ITGB5: variants seen among roughly 807,000 people sequenced by gnomAD.
ITGB5 encodes the protein integrin subunit beta 5, also known as integrin beta-5.
In ITGB5, 38 loss-of-function variants were observed where a neutral mutation model predicts 84.8. The ratio of observed to expected loss-of-function variants is 0.45; its 90% CI spans 0.35 to 0.59. The LOEUF is 0.59. ITGB5 is among the 20% of genes least tolerant of loss of function. ITGB5 has a pLI of 0.01. For missense variants in ITGB5, 905 were observed against 1,034.5 expected (o/e 0.87, Z 1.72); for synonymous variants, 393 against 414.4 (o/e 0.95, Z 0.63).
intron 10 of ITGB5, among the ~76,000 whole-genome samples, chr3:124,783,768 A>G (rs2064040449): frequency 6.6e-6 from 1 of 152,216 alleles, no homozygotes; most frequent in African/African-American, 2.4e-5. Context: ...CTGGAAGAAC[A>G]TGGTTGTGGT....
chr3:124,881,646 C>T (rs1934574835), intron 1 of ITGB5, among the ~76,000 whole-genome samples: 1 of 152,216 alleles, frequency 6.6e-6, no homozygotes, highest in East Asian at 1.9e-4. Context: ...AGGGAGTAGA[C>T]CAAATGGCCT....
rs1934851546 is a variant in ITGB5 at position 124,887,029 on chromosome 3, G to T, written c.-29C>A. 3 of 1,102,904 alleles carry T rather than the reference G, an allele frequency of 2.7e-6. No homozygotes were observed. The highest frequency in any genetic ancestry group is 3.3e-6 in the Non-Finnish European group (3 of 901,316). The allele number at this position is 1,102,904 out of a possible 1,614,324, so 68.3% of individuals were successfully genotyped here. A position where few individuals can be genotyped will look rare whatever the true frequency, so the allele number is the denominator to read the frequency against. On this transcript the variant is annotated 5_prime_UTR_variant, in exon 1 of 15. Coordinates refer to ENST00000296181, the MANE Select transcript of ITGB5 (RefSeq NM_002213.5). ...GGGGCGCCTCCCTCAGCGGCGGCGCGGTCGCTGCACTCCGCGGGGGCCGGC... is the reference window on the plus strand; with the variant it reads ...GGGGCGCCTCCCTCAGCGGCGGCGCTGTCGCTGCACTCCGCGGGGGCCGGC...
intron 13 of ITGB5, 145 bp downstream of exon 13, chr3:124,766,081 A>C: frequency 1.2e-6 from 1 of 837,876 alleles, no homozygotes; most frequent in Non-Finnish European, 1.8e-6. Flanking sequence ...AAAAAAGAAA[A>C]AGAAGAAATT....
At chr3:124,885,934 T>C (rs965467395) in intron 1 of ITGB5, among the ~76,000 whole-genome samples, 1 of 152,220 alleles carries the variant, frequency 6.6e-6, no homozygotes, top group Non-Finnish European at 1.5e-5. Flanking sequence ...AGGCAACCAC[T>C]TGGCTCACAA....
At position 124,766,230 on chromosome 3, in the gene ITGB5, C is replaced by A; in HGVS notation, c.2133G>T (p.Glu711Asp). 1 of 1,613,536 alleles carries A rather than the reference C, an allele frequency of 6.2e-7. No individual in the cohort carries two copies. The highest frequency in any genetic ancestry group is 1.1e-5 in the South Asian group (1 of 90,960). ...SGKSNLTVLR[E>D]PECGNTPNAM... The stretch of plus-strand genomic sequence containing the variant: ...GCCCTTGCAGCCCTCACCTACCTGG[C>A]TCCCTGAGGACGGTCAGGTTGGACT... The change falls in exon 13 of 15, where the codon GAG (glutamate) becomes GAT (aspartate). Residue 711 changes from glutamate to aspartate, a missense_variant. Physicochemically the swap from Glu to Asp is conservative, Grantham distance 45. Transcript: ENST00000296181.
intron 9 of ITGB5, among the ~76,000 whole-genome samples, chr3:124,801,674 C>G (rs776447426): frequency 2.6e-5 from 4 of 152,248 alleles, no homozygotes; most frequent in Non-Finnish European, 5.9e-5. Flanking sequence ...TCCAGCTATG[C>G]TTGATACTCT....
At chr3:124,868,703 A>C (rs1365873212) in intron 2 of ITGB5, among the ~76,000 whole-genome samples, 2 of 151,680 alleles carry the variant, frequency 1.3e-5, no homozygotes, top group African/African-American at 4.8e-5. Context: ...CGGGAGGCTA[A>C]GGTGGGAGGA....
chr3:124,852,511 T>G (rs547981320), intron 3 of ITGB5, among the ~76,000 whole-genome samples: 7 of 152,132 alleles, frequency 4.6e-5, no homozygotes, highest in African/African-American at 1.7e-4. Context: ...CTGCTCAGTT[T>G]GTAAGTACAG....
chr3:124,809,383 GAGA>G (rs2064462101), intron 8 of ITGB5: 1 of 528,386 alleles, frequency 1.9e-6, no homozygotes, highest in African/African-American at 1.9e-5. Context: ...TGTGAGTTTG[GAGA>G]AGTTGATAGT....
upstream of ITGB5, among the ~76,000 whole-genome samples, chr3:124,889,408 ATT>A (rs1248535227): frequency 1.3e-5 from 2 of 152,182 alleles, no homozygotes; most frequent in African/African-American, 4.8e-5. Flanking sequence ...TCTTACACAT[ATT>A]GATTGATGTC....
At chr3:124,805,881 C>T (rs1369450601) in intron 9 of ITGB5, among the ~76,000 whole-genome samples, 1 of 152,160 alleles carries the variant, frequency 6.6e-6, no homozygotes, top group African/African-American at 2.4e-5. Flanking sequence ...AAACATAAGA[C>T]ATTAATCTTC....
intron 2 of ITGB5, among the ~76,000 whole-genome samples, chr3:124,871,853 AT>A (rs1384039552): frequency 7.6e-5 from 11 of 144,550 alleles, no homozygotes; most frequent in Admixed American, 4.9e-4. Context: ...ATAAAAATAA[AT>A]AATAAATAAA....
At chr3:124,851,632 C>CAT in intron 3 of ITGB5, among the ~76,000 whole-genome samples, 1 of 151,830 alleles carries the variant, frequency 6.6e-6, no homozygotes, top group Non-Finnish European at 1.5e-5. Context: ...CACACACACA[C>CAT]ACACACACAC....
intron 1 of ITGB5, among the ~76,000 whole-genome samples, chr3:124,894,166 G>A (rs1387747064): frequency 1.2e-5 from 1 of 85,754 alleles, no homozygotes; most frequent in Non-Finnish European, 2.2e-5. Context: ...ACAGAGTCTC[G>A]CTGTCACCCA....
chr3:124,865,526 G>A (rs988912183), intron 2 of ITGB5, among the ~76,000 whole-genome samples: 21 of 120,094 alleles, frequency 1.7e-4, no homozygotes, highest in African/African-American at 5.7e-4. Context: ...TCGCTCTGTC[G>A]TCTAGGCTGG....
At chr3:124,883,838 A>C (rs1229807348) in intron 1 of ITGB5, among the ~76,000 whole-genome samples, 1 of 152,202 alleles carries the variant, frequency 6.6e-6, no homozygotes, top group Non-Finnish European at 1.5e-5. Flanking sequence ...TTTTGTGGGA[A>C]GACCACATCC....
At chr3:124,808,111 G>A (rs886869360) in intron 9 of ITGB5, among the ~76,000 whole-genome samples, 13 of 152,032 alleles carry the variant, frequency 8.6e-5, no homozygotes, top group African/African-American at 2.7e-4. Context: ...CCCTGTCTCC[G>A]CAAGCTCTTT....
At chr3:124,847,777 C>T (rs1038215816) in intron 4 of ITGB5, among the ~76,000 whole-genome samples, 1 of 152,002 alleles carries the variant, frequency 6.6e-6, no homozygotes, top group African/African-American at 2.4e-5. Context: ...GTTAGAGACA[C>T]CTGTTTTCTA....
intron 9 of ITGB5, among the ~76,000 whole-genome samples, chr3:124,798,055 CTTT>C (rs60292129): frequency 3.9e-5 from 4 of 103,632 alleles, no homozygotes; most frequent in African/African-American, 1.2e-4. Context: ...TAGAATAAAG[CTTT>C]TTTTTTTTTT....
Sources: gnomAD v4.1 joint callset for allele counts (sites outside exome capture counted in the v4.1 genomes callset) on GRCh38, gnomAD v4.1.1 for gene constraint, MANE v1.5 for transcripts, NCBI Gene and HGNC (gene_info 2026-07-23, HGNC 2026-07-21) for gene names.